HCN1: variants seen among roughly 807,000 people sequenced by gnomAD.
The protein encoded by HCN1 is potassium/sodium hyperpolarization-activated cyclic nucleotide-gated channel 1.
HCN1 carries 13 observed loss-of-function variants against 78.9 expected under a neutral mutation model. The observed-to-expected ratio is 0.16, with a 90% CI of 0.11 to 0.26. The LOEUF (loss-of-function observed/expected upper bound fraction) is 0.26. Among genes scored for constraint, HCN1 ranks in the 10% least tolerant of loss-of-function variants. The probability of loss-of-function intolerance (pLI) is 1.00; values close to 1 mark genes in which losing one functional copy is unlikely to be tolerated. For missense variants in HCN1, 810 were observed against 1,154.3 expected, an observed-to-expected ratio of 0.70 and a Z score of 4.32; for synonymous variants, 552 against 455.5, an observed-to-expected ratio of 1.21 and a Z score of -2.70.
At chr5:45,591,567 C>A (rs1744366233) in intron 2 of HCN1, among the ~76,000 whole-genome samples, 1 of 152,142 alleles carries the variant, frequency 6.6e-6, no homozygotes, top group South Asian at 2.1e-4. Flanking sequence ...CTCTGTACAT[C>A]TTTTTGGTGA....
intron 5 of HCN1, among the ~76,000 whole-genome samples, chr5:45,314,259 A>G (rs960175506): frequency 3.3e-5 from 5 of 152,160 alleles, no homozygotes; most frequent in East Asian, 1.9e-4. Context: ...ATCCAGCCAA[A>G]CTAAGCTTCA....
intron 2 of HCN1, among the ~76,000 whole-genome samples, chr5:45,587,376 AG>A (rs1192776785): frequency 1.3e-5 from 2 of 152,212 alleles, no homozygotes. Context: ...GCCACAAAAA[AG>A]GATGAGTTCT....
intron 5 of HCN1, among the ~76,000 whole-genome samples, chr5:45,325,639 T>G (rs1746220479): frequency 6.6e-6 from 1 of 151,688 alleles, no homozygotes; most frequent in Admixed American, 6.6e-5. Flanking sequence ...ATCTGGTGGT[T>G]TGTCTTCTAA....
At chr5:45,645,656 C>G in intron 1 of HCN1, 48 bp from the exon 2 acceptor site, 1 of 1,215,788 alleles carries the variant, frequency 8.2e-7, no homozygotes, top group Non-Finnish European at 1.2e-6. Flanking sequence ...AAATAACCAG[C>G]CTATCCCCCC....
At chr5:45,631,347 C>T (rs1745266006) in intron 2 of HCN1, among the ~76,000 whole-genome samples, 1 of 152,042 alleles carries the variant, frequency 6.6e-6, no homozygotes, top group Non-Finnish European at 1.5e-5. Flanking sequence ...ACTTCTGAGT[C>T]TGATTGTTTA....
At chr5:45,491,330 A>C (rs1288611345) in intron 2 of HCN1, among the ~76,000 whole-genome samples, 1 of 152,104 alleles carries the variant, frequency 6.6e-6, no homozygotes, top group Non-Finnish European at 1.5e-5. Flanking sequence ...TTAAAGTCTC[A>C]CAATGTTTCT....
intron 1 of HCN1, among the ~76,000 whole-genome samples, chr5:45,650,475 T>G (rs1745654990): frequency 6.6e-6 from 1 of 151,982 alleles, no homozygotes; most frequent in African/African-American, 2.4e-5. Flanking sequence ...ACGTAGAAAC[T>G]TCCTTTCTCT....
intron 2 of HCN1, among the ~76,000 whole-genome samples, chr5:45,470,067 A>C (rs1185098913): frequency 6.6e-6 from 1 of 152,066 alleles, no homozygotes; most frequent in Non-Finnish European, 1.5e-5. Context: ...GCTTCTGAAA[A>C]AACTGTTAAG....
chr5:45,339,662 T>C (rs1316645139), intron 5 of HCN1, among the ~76,000 whole-genome samples: 1 of 152,138 alleles, frequency 6.6e-6, no homozygotes, highest in African/African-American at 2.4e-5. Context: ...ATGGAATGCA[T>C]TTTAGCTAAT....
In HCN1 at chr5:45,262,056, C is replaced by G; in HGVS notation, c.2538G>C (p.Ser846=). The G allele has an allele frequency of 1.2e-6, 2 of 1,613,872 alleles. No individual in the cohort carries two copies. The highest frequency in any genetic ancestry group is 1.7e-6 in the Non-Finnish European group (2 of 1,180,000). Residue 846 remains serine (S), a synonymous_variant, in exon 8 of 8, where the codon TCG becomes TCC. Coordinates refer to ENST00000303230, the MANE Select transcript of HCN1 (RefSeq NM_021072.4). Reference sequence around the variant, plus strand: ...CTCGGTTCGGGGGGATGGCTCCCGACGACATCTGTCGGAAGAGGGTGACGC... The same window carrying G: ...CTCGGTTCGGGGGGATGGCTCCCGAGGACATCTGTCGGAAGAGGGTGACGC... ...PQRVTLFRQM[S]SGAIPPNRGV...
chr5:45,448,925 C>T (rs1740852639), intron 3 of HCN1, among the ~76,000 whole-genome samples: 1 of 152,086 alleles, frequency 6.6e-6, no homozygotes, highest in Admixed American at 6.5e-5. Flanking sequence ...ACCAGCCTGG[C>T]CAACATGGGA....
intron 2 of HCN1, among the ~76,000 whole-genome samples, chr5:45,469,954 A>G (rs1741355472): frequency 6.6e-6 from 1 of 152,020 alleles, no homozygotes; most frequent in Non-Finnish European, 1.5e-5. Flanking sequence ...TTAACATCCC[A>G]GCCTCCTGTC....
At chr5:45,289,826 C>T (rs1218938813) in intron 6 of HCN1, among the ~76,000 whole-genome samples, 2 of 152,168 alleles carry the variant, frequency 1.3e-5, no homozygotes, top group South Asian at 2.1e-4. Flanking sequence ...CCTCAAAGTT[C>T]AAGATCAGGG....
At chr5:45,308,085 G>C (rs532654026) in intron 5 of HCN1, among the ~76,000 whole-genome samples, 220 of 152,176 alleles carry the variant, frequency 1.4e-3, no homozygotes, top group African/African-American at 4.0e-3. Flanking sequence ...TAATGAGTGA[G>C]TTCTCACTCT....
intron 2 of HCN1, among the ~76,000 whole-genome samples, chr5:45,615,219 G>T (rs1197549509): frequency 6.6e-6 from 1 of 151,966 alleles, no homozygotes; most frequent in Non-Finnish European, 1.5e-5. Flanking sequence ...AGAAATCTTT[G>T]CAAATTAAGC....
intron 3 of HCN1, among the ~76,000 whole-genome samples, chr5:45,402,435 T>C (rs1190974718): frequency 2.6e-5 from 4 of 152,080 alleles, no homozygotes; most frequent in East Asian, 1.9e-4. Flanking sequence ...TAGAGGCCAG[T>C]GATGCTGTTA....
chr5:45,602,459 C>T (rs1173423649), intron 2 of HCN1, among the ~76,000 whole-genome samples: 1 of 151,998 alleles, frequency 6.6e-6, no homozygotes, highest in Non-Finnish European at 1.5e-5. Flanking sequence ...CAAAACTGGC[C>T]GACATCTTTA....
chr5:45,270,860 A>G (rs1361953078), intron 6 of HCN1, among the ~76,000 whole-genome samples: 1 of 152,166 alleles, frequency 6.6e-6, no homozygotes, highest in African/African-American at 2.4e-5. Flanking sequence ...TTAAAAACAG[A>G]TTTACTGGAG....
intron 1 of HCN1, among the ~76,000 whole-genome samples, chr5:45,694,307 T>C (rs1005638803): frequency 6.6e-6 from 1 of 152,200 alleles, no homozygotes; most frequent in Non-Finnish European, 1.5e-5. Context: ...TACCTTAAAA[T>C]TATACACTTT....
Sources: gnomAD v4.1 joint callset for allele counts (sites outside exome capture counted in the v4.1 genomes callset) on GRCh38, gnomAD v4.1.1 for gene constraint, MANE v1.5 for transcripts, NCBI Gene and HGNC (gene_info 2026-07-23, HGNC 2026-07-21) for gene names.